The following EPB41L4B variants were observed in gnomAD, a reference collection of about 807,000 sequenced individuals.
EPB41L4B encodes the protein band 4.1-like protein 4B.
In EPB41L4B, 30 loss-of-function variants were observed where a neutral mutation model predicts 112.5. The observed-to-expected ratio is 0.27, with a 90% CI of 0.20 to 0.36. The LOEUF is 0.36. Among genes scored for constraint, EPB41L4B ranks in the 10% least tolerant of loss-of-function variants. The pLI is 1.00. For synonymous variants in EPB41L4B, 408 were observed against 439.7 expected (o/e 0.93, Z 0.90); for missense variants, 1,024 against 1,133.3 (o/e 0.90, Z 1.38).
chr9:109,292,565 G>A (rs534949545), intron 1 of EPB41L4B, among the ~76,000 whole-genome samples: 2 of 152,290 alleles, frequency 1.3e-5, no homozygotes, highest in South Asian at 2.1e-4. Context: ...TCTAAGGCAG[G>A]TGCCTCCCAT....
At chr9:109,258,480 GA>G (rs1289290472) in intron 6 of EPB41L4B, among the ~76,000 whole-genome samples, 183 bp from the exon 7 acceptor site, 1 of 152,190 alleles carries the variant, frequency 6.6e-6, no homozygotes, top group Non-Finnish European at 1.5e-5. Flanking sequence ...CAAAATCCTA[GA>G]AGCATTCTAA....
chr9:109,289,160 C>T (rs1405477465), intron 1 of EPB41L4B, among the ~76,000 whole-genome samples: 1 of 152,172 alleles, frequency 6.6e-6, no homozygotes, highest in Non-Finnish European at 1.5e-5. Flanking sequence ...GTCAGGGACT[C>T]TGCACCCATC....
Position 109,258,301 on chromosome 9 carries a change from T to C in EPB41L4B, c.632-4A>G. On this transcript the variant is annotated splice_region_variant and splice_polypyrimidine_tract_variant and intron_variant, in intron 6 of 25. Transcript: ENST00000374566. ...AGCTCGCACTCCCCAAGCTCCGCTG[T>C]AAGTTTCATAAAAGGGAGGAAAATA... is the stretch of plus-strand genomic sequence containing the variant. 1 of 1,610,350 alleles carries C rather than the reference T, an allele frequency of 6.2e-7. No individual in the cohort carries two copies. Among genetic ancestry groups the C allele is most frequent in the Non-Finnish European group, 8.5e-7 (1 of 1,177,542 alleles).
rs575599038 is a variant in EPB41L4B, at chr9:109,182,479, G to A, written c.2487+250C>T. 8.9e-4 allele frequency among the ~76,000 whole-genome samples: 136 copies of A among 152,318 alleles called. 2 individuals carry two copies. The highest frequency in any genetic ancestry group is 3.1e-3 in the African/African-American group (128 of 41,568). On this transcript the variant is annotated intron_variant, in intron 24 of 25. Transcript: ENST00000374566. ...GACGCAATAAAAATGTATTGGAACT[G>A]ATAGAAGTGGTCACTGCACAACACT...
intron 4 of EPB41L4B, among the ~76,000 whole-genome samples, chr9:109,266,988 A>G (rs980579788): frequency 2.1e-4 from 31 of 149,564 alleles, no homozygotes; most frequent in African/African-American, 7.3e-4. Context: ...AAAAAAAAAA[A>G]AAAAAGAAAT....
At chr9:109,254,607 G>A (rs1262715436) in intron 11 of EPB41L4B, among the ~76,000 whole-genome samples, 1 of 152,030 alleles carries the variant, frequency 6.6e-6, no homozygotes, top group Non-Finnish European at 1.5e-5. Context: ...AAAACCCTGG[G>A]AGCACATTTT....
chr9:109,193,231 A>T (rs937717520), intron 21 of EPB41L4B, among the ~76,000 whole-genome samples: 8 of 152,172 alleles, frequency 5.3e-5, no homozygotes, highest in Non-Finnish European at 1.2e-4. Flanking sequence ...AAGCAGAGAT[A>T]TTTCCAGAGA....
At chr9:109,186,563 A>G (rs1197432701) in intron 22 of EPB41L4B, among the ~76,000 whole-genome samples, 2 of 149,482 alleles carry the variant, frequency 1.3e-5, no homozygotes, top group East Asian at 3.9e-4. Context: ...CAGCCTTAAA[A>G]TCCTGGGCTC....
intron 15 of EPB41L4B, among the ~76,000 whole-genome samples, chr9:109,229,573 C>G (rs16914041): frequency 0.11 from 16,057 of 152,226 alleles, 1,118 homozygotes; most frequent in East Asian, 0.16. Flanking sequence ...GTAGCCCACA[C>G]AGTAGACTCA....
At chr9:109,269,853 A>T (rs544431346) in intron 2 of EPB41L4B, among the ~76,000 whole-genome samples, 1 of 152,216 alleles carries the variant, frequency 6.6e-6, no homozygotes, top group East Asian at 1.9e-4. Flanking sequence ...CCCAACCAGG[A>T]CAGTGTACTC....
At chr9:109,188,637 T>A (rs895328872) in intron 22 of EPB41L4B, among the ~76,000 whole-genome samples, 1 of 152,170 alleles carries the variant, frequency 6.6e-6, no homozygotes, top group African/African-American at 2.4e-5. Flanking sequence ...CTGGTATAAT[T>A]AAGTTCAAAA....
intron 1 of EPB41L4B, among the ~76,000 whole-genome samples, chr9:109,303,248 A>G (rs1837046390): frequency 6.6e-6 from 1 of 152,162 alleles, no homozygotes; most frequent in South Asian, 2.1e-4. Context: ...TGAAAGTGAT[A>G]AATAAAAAAA....
intron 1 of EPB41L4B, among the ~76,000 whole-genome samples, chr9:109,292,124 G>A (rs1836559092): frequency 6.6e-6 from 1 of 152,162 alleles, no homozygotes; most frequent in African/African-American, 2.4e-5. Context: ...ACATCTGCTA[G>A]GGACCTCAAT....
chr9:109,186,346 C>A (rs1276961976), intron 22 of EPB41L4B, among the ~76,000 whole-genome samples: 1 of 152,052 alleles, frequency 6.6e-6, no homozygotes, highest in Non-Finnish European at 1.5e-5. Flanking sequence ...CACCACCATG[C>A]CCAGCTAATT....
chr9:109,272,162 T>C (rs1451668701), intron 2 of EPB41L4B, among the ~76,000 whole-genome samples: 1 of 152,156 alleles, frequency 6.6e-6, no homozygotes, highest in Non-Finnish European at 1.5e-5. Flanking sequence ...TCTTGGCTTA[T>C]GAAGAGTATC....
At position 109,253,534 on chromosome 9, in the gene EPB41L4B, GA is replaced by G; in HGVS notation, c.1185del (p.Gln396LysfsTer36). 1 of 1,612,262 alleles carries G rather than the reference GA, an allele frequency of 6.2e-7. No individual in the cohort carries two copies. Among genetic ancestry groups the G allele is most frequent in the Non-Finnish European group, 8.5e-7 (1 of 1,178,384 alleles). ...SRFRFSGRTE[Y>X]QATHGSRLRR... ...CGTAACCTGGAGCCATGTGTAGCTT[GA>G]TATTCTGTCCGCCCACTGGGAAGTA... On this transcript the variant is annotated frameshift_variant, in exon 12 of 26. Coordinates refer to ENST00000374566, the MANE Select transcript of EPB41L4B (RefSeq NM_019114.5). LOFTEE classifies it high-confidence loss of function.
At chr9:109,199,523 G>A (rs1454981725) in intron 20 of EPB41L4B, among the ~76,000 whole-genome samples, 1 of 152,102 alleles carries the variant, frequency 6.6e-6, no homozygotes, top group Non-Finnish European at 1.5e-5. Flanking sequence ...ACAAAAATCA[G>A]CCAGGCTTAT....
intron 1 of EPB41L4B, among the ~76,000 whole-genome samples, chr9:109,313,623 G>A (rs1796624609): frequency 2.6e-5 from 4 of 152,234 alleles, no homozygotes; most frequent in Admixed American, 2.6e-4. Flanking sequence ...AAGTAATTGT[G>A]GTGAGGAGGG....
At chr9:109,203,088 A>T (rs1342150391) in intron 19 of EPB41L4B, among the ~76,000 whole-genome samples, 1 of 152,242 alleles carries the variant, frequency 6.6e-6, no homozygotes, top group Non-Finnish European at 1.5e-5. Flanking sequence ...TGGGAGGCAG[A>T]TGTTGCAGTG....
Sources: allele counts gnomAD v4.1 joint callset (sites outside exome capture counted in the v4.1 genomes callset), GRCh38; gene constraint gnomAD v4.1.1; transcripts MANE v1.5; gene names NCBI Gene and HGNC (gene_info 2026-07-23, HGNC 2026-07-21).